JAKMIP1: variants seen among roughly 807,000 people sequenced by gnomAD.
JAKMIP1 encodes the protein janus kinase and microtubule-interacting protein 1.
In JAKMIP1, 33 loss-of-function variants were observed where a neutral mutation model predicts 113.0. The observed-to-expected ratio is 0.29, with a 90% CI of 0.22 to 0.39. JAKMIP1 has a LOEUF of 0.39. JAKMIP1 is among the 10% of genes least tolerant of loss of function. The pLI is 1.00. For missense variants in JAKMIP1, 813 were observed against 1,080.5 expected (o/e 0.75, Z 3.47); for synonymous variants, 480 against 459.9 (o/e 1.04, Z -0.56).
chr4:6,170,232 C>A (rs1207224317), intron 1 of JAKMIP1, among the ~76,000 whole-genome samples: 13 of 148,456 alleles, frequency 8.8e-5, no homozygotes, highest in Non-Finnish European at 1.8e-4. Context: ...ATGCTCTCCA[C>A]CATCACCACC....
At chr4:6,091,847 C>A (rs1261909128) in intron 3 of JAKMIP1, among the ~76,000 whole-genome samples, 1 of 152,180 alleles carries the variant, frequency 6.6e-6, no homozygotes, top group Non-Finnish European at 1.5e-5. Flanking sequence ...GGGACCCAGG[C>A]TATAGCTGGA....
chr4:6,070,967 A>G (rs1718875793), intron 8 of JAKMIP1, among the ~76,000 whole-genome samples: 1 of 152,266 alleles, frequency 6.6e-6, no homozygotes, highest in Non-Finnish European at 1.5e-5. Flanking sequence ...CATGCTGCAG[A>G]AAAAATGGAC....
Position 6,139,986 on chromosome 4 carries a change from C to T in JAKMIP1, c.-147-26989G>A, listed in dbSNP as rs886157797. 1.4e-4 allele frequency among the ~76,000 whole-genome samples: 22 copies of T among 152,038 alleles called. No individual in the cohort carries two copies. The highest frequency in any genetic ancestry group is 1.3e-4 in the Non-Finnish European group (9 of 68,030). ...CCTCAGATGGGGTCAACCCTGCCCA[C>T]GCCTGGATCTCAGACTTCCAGCCTC... is the stretch of plus-strand genomic sequence containing the variant. On this transcript the variant is annotated intron_variant, in intron 1 of 20. Transcript: ENST00000409021. The surrounding 1 kb of genome is among the most constrained non-coding windows in gnomAD (Gnocchi z 5.2).
chr4:6,090,881 C>T (rs1721974478), intron 3 of JAKMIP1, among the ~76,000 whole-genome samples: 3 of 151,864 alleles, frequency 2.0e-5, no homozygotes, highest in African/African-American at 7.3e-5. Flanking sequence ...GTCAAAACCC[C>T]ACGTTGACCA....
At chr4:6,077,208 C>T (rs1449424068) in intron 8 of JAKMIP1, among the ~76,000 whole-genome samples, 2 of 152,088 alleles carry the variant, frequency 1.3e-5, no homozygotes, top group Admixed American at 1.3e-4. Context: ...CATGAGGTCA[C>T]GTTGGAGTAG....
In JAKMIP1 at chr4:6,069,933, A is replaced by G; in HGVS notation, c.1303-4925T>C. The G allele has an allele frequency of 2.5e-6, 1 of 395,196 alleles. No homozygotes were observed. Among genetic ancestry groups the G allele is most frequent in the Non-Finnish European group, 4.5e-6 (1 of 224,460 alleles). 24.5% of individuals were successfully genotyped at this position (395,196 alleles called of 1,614,324 possible). A position where few individuals can be genotyped will look rare whatever the true frequency, so the allele number is the denominator to read the frequency against. ...CAACCAGATCCAGTCTCTCTCAGCC[A>G]CCTGTCTTCTCACCTTCCTATCATT... On this transcript the variant is annotated intron_variant, in intron 8 of 20. Transcript: ENST00000409021. This position sits in a 1 kb window ranked among gnomAD's most constrained non-coding sequence, Gnocchi z 4.5.
intron 3 of JAKMIP1, among the ~76,000 whole-genome samples, chr4:6,090,468 T>C (rs1721895824): frequency 6.6e-6 from 1 of 152,210 alleles, no homozygotes; most frequent in African/African-American, 2.4e-5. Context: ...ATGTCATTGT[T>C]GTAAGCCTCC....
chr4:6,040,353 TA>T lies in JAKMIP1; in HGVS notation c.2175+285del, dbSNP rs1217682486. On this transcript the variant is annotated intron_variant, in intron 18 of 20. Transcript: ENST00000409021. The surrounding 1 kb of genome is among the most constrained non-coding windows in gnomAD (Gnocchi z 5.8). ...CTAAATATTTAAGTAAAATCAAACA[TA>T]AAAGAAATATAGTTTCTTCTCATTC... 1.3e-5 allele frequency among the ~76,000 whole-genome samples: 2 copies of T among 152,200 alleles called. No homozygotes were observed. Among genetic ancestry groups the T allele is most frequent in the East Asian group, 3.9e-4 (2 of 5,194 alleles).
chr4:6,059,568 C>T lies in JAKMIP1; in HGVS notation c.1644+856G>A, dbSNP rs75800141. Among the ~76,000 whole-genome samples the T allele has an allele frequency of 2.0e-3, 305 of 152,132 alleles. 8 individuals carry two copies. The East Asian group carries it at 0.054, about 27-fold the overall frequency. On this transcript the variant is annotated intron_variant, in intron 11 of 20. Coordinates refer to ENST00000409021, the MANE Select transcript of JAKMIP1 (RefSeq NM_001099433.2). This position sits in a 1 kb window ranked among gnomAD's most constrained non-coding sequence, Gnocchi z 4.8. ...CGTCTGCCCACACCCTCCTTGGCAC[C>T]CTCACTGTTAGTGGGGCCACGTGAC... is the stretch of plus-strand genomic sequence containing the variant.
At chr4:6,166,251 C>A (rs2109011429) in intron 1 of JAKMIP1, among the ~76,000 whole-genome samples, 1 of 152,364 alleles carries the variant, frequency 6.6e-6, no homozygotes, top group South Asian at 2.1e-4. Context: ...ACCCTGGGTT[C>A]TAAATCCAGT....
chr4:6,027,034 A>G (rs114364589), intron 20 of JAKMIP1, among the ~76,000 whole-genome samples: 1,856 of 152,124 alleles, frequency 0.012, 25 homozygotes, highest in Middle Eastern at 0.054. Context: ...GTCGCTATTT[A>G]AAATCTTTTG....
rs1719687633 is a variant in JAKMIP1, at chr4:6,139,071, CACACACACACACAT to C, written c.-147-26088_-147-26075del. Among the ~76,000 whole-genome samples the C allele has an allele frequency of 6.7e-6, 1 of 149,538 alleles. No individual in the cohort carries two copies. Among genetic ancestry groups the C allele is most frequent in the Admixed American group, 6.6e-5 (1 of 15,118 alleles). ...ATCATTAGAAACACACACACACACA[CACACACACACACAT>C]ATACACACACACACACACACCAGCA... On this transcript the variant is annotated intron_variant, in intron 1 of 20. Coordinates refer to ENST00000409021, the MANE Select transcript of JAKMIP1 (RefSeq NM_001099433.2). This position sits in a 1 kb window ranked among gnomAD's most constrained non-coding sequence, Gnocchi z 5.2.
In JAKMIP1 at chr4:6,177,302, C is replaced by T. The variant is rs145612845; in HGVS notation, c.-148+22951G>A. Among the ~76,000 whole-genome samples the T allele has an allele frequency of 2.9e-3, 438 of 152,264 alleles. 1 individual carries two copies. The highest frequency in any genetic ancestry group is 5.7e-3 in the Admixed American group (87 of 15,302). On this transcript the variant is annotated intron_variant, in intron 1 of 20. Coordinates refer to ENST00000409021, the MANE Select transcript of JAKMIP1 (RefSeq NM_001099433.2). Reference sequence around the variant, plus strand: ...CCATTGCACAGATGGGATGTGGAGTCCAGGGAGGGTGGGGCTAATCCAAAT... The same window carrying T: ...CCATTGCACAGATGGGATGTGGAGTTCAGGGAGGGTGGGGCTAATCCAAAT...
Position 6,061,721 on chromosome 4 carries a change from G to A in JAKMIP1, c.1560+591C>T, listed in dbSNP as rs1421693597. ...GGAGGGGATGCAGGGAAGCACCCGTGTGTGCTCTCCGGGAGTCCTCCACAC... is the reference window on the plus strand; with the variant it reads ...GGAGGGGATGCAGGGAAGCACCCGTATGTGCTCTCCGGGAGTCCTCCACAC... On this transcript the variant is annotated intron_variant, in intron 10 of 20. Coordinates refer to ENST00000409021, the MANE Select transcript of JAKMIP1 (RefSeq NM_001099433.2). This position sits in a 1 kb window ranked among gnomAD's most constrained non-coding sequence, Gnocchi z 5.3. Among the ~76,000 whole-genome samples the A allele has an allele frequency of 1.3e-5, 2 of 152,194 alleles. No individual in the cohort carries two copies. The highest frequency in any genetic ancestry group is 2.9e-5 in the Non-Finnish European group (2 of 68,028).
Position 6,112,719 on chromosome 4 carries a change from C to T in JAKMIP1, c.129+3G>A. 5 of 1,613,538 alleles carry T rather than the reference C, an allele frequency of 3.1e-6. No individual in the cohort carries two copies. The South Asian group carries it at 3.3e-5, about 11-fold the overall frequency. ...CCGCTGCTGAGCTGACGCCAACCCC[C>T]ACCTTGCTTTTTTCCTGCTGGAACT... On this transcript the variant is annotated splice_donor_region_variant and intron_variant, in intron 2 of 20. Transcript: ENST00000409021.
chr4:6,159,717 T>G (rs1274214852), intron 1 of JAKMIP1, among the ~76,000 whole-genome samples: 1 of 152,230 alleles, frequency 6.6e-6, no homozygotes, highest in Non-Finnish European at 1.5e-5. Context: ...TCATTCACTC[T>G]TGGGTACAAA....
chr4:6,198,331 G>C lies in JAKMIP1; in HGVS notation c.-148+1922C>G, dbSNP rs562309320. Among the ~76,000 whole-genome samples, 11 of 152,038 alleles carry C rather than the reference G, an allele frequency of 7.2e-5. No individual in the cohort carries two copies. The South Asian group carries it at 1.0e-3, about 14-fold the overall frequency. ...TTGTTTTAGACGGGGGGAAAAAGAA[G>C]CATGTGGGGGAAAAACCCAAGTGTG... On this transcript the variant is annotated intron_variant, in intron 1 of 20. Coordinates refer to ENST00000409021, the MANE Select transcript of JAKMIP1 (RefSeq NM_001099433.2).
intron 11 of JAKMIP1, among the ~76,000 whole-genome samples, chr4:6,060,212 C>T (rs531623815): frequency 1.3e-5 from 2 of 152,300 alleles, no homozygotes; most frequent in African/African-American, 4.8e-5. Flanking sequence ...AGTTAGAATG[C>T]CATACCTTGT....
Position 6,188,862 on chromosome 4 carries a change from A to T in JAKMIP1, c.-148+11391T>A. On this transcript the variant is annotated intron_variant, in intron 1 of 20. Coordinates refer to ENST00000409021, the MANE Select transcript of JAKMIP1 (RefSeq NM_001099433.2). The surrounding 1 kb of genome is among the most constrained non-coding windows in gnomAD (Gnocchi z 5.8). Reference sequence around the variant, plus strand: ...CTTCCTGGGAGAGATAGATCATGTCAGGAAAGCACCCATCTGCCCAGTGGT... The same window carrying T: ...CTTCCTGGGAGAGATAGATCATGTCTGGAAAGCACCCATCTGCCCAGTGGT... Among the ~76,000 whole-genome samples, 1 of 152,186 alleles carries T rather than the reference A, an allele frequency of 6.6e-6. No individual in the cohort carries two copies. Among genetic ancestry groups the T allele is most frequent in the East Asian group, 1.9e-4 (1 of 5,196 alleles).
Sources: allele counts gnomAD v4.1 joint callset (sites outside exome capture counted in the v4.1 genomes callset), GRCh38; gene constraint gnomAD v4.1.1; non-coding constraint Gnocchi (gnomAD v3.1); transcripts MANE v1.5; gene names NCBI Gene and HGNC (gene_info 2026-07-23, HGNC 2026-07-21).